Variants in CSMD3 observed in about 807,000 individuals in gnomAD.
CSMD3 encodes CUB and sushi domain-containing protein 3.
Under a neutral mutation model 435.2 loss-of-function variants are expected in CSMD3, and 177 were observed. That is an observed-to-expected ratio of 0.41 (90% confidence interval 0.36 to 0.46). The LOEUF is 0.46. CSMD3 is among the 20% of genes least tolerant of loss of function. CSMD3 has a pLI of 0.34. For missense variants in CSMD3, 4,265 were observed against 4,504.6 expected (o/e 0.95, Z 1.52); for synonymous variants, 1,656 against 1,520.5 (o/e 1.09, Z -2.07).
intron 1 of CSMD3, among the ~76,000 whole-genome samples, chr8:113,315,018 A>T (rs2093898763): frequency 6.6e-6 from 1 of 152,196 alleles, no homozygotes; most frequent in African/African-American, 2.4e-5. Context: ...GTAAATAATT[A>T]TAAAGCAGTT....
chr8:112,713,012 A>G (rs1483656291), intron 13 of CSMD3, among the ~76,000 whole-genome samples: 1 of 152,136 alleles, frequency 6.6e-6, no homozygotes, highest in African/African-American at 2.4e-5. Context: ...GAACCAAAAC[A>G]GTATGCAAAT....
chr8:112,454,998 C>T lies in CSMD3; in HGVS notation c.5395+17593G>A, dbSNP rs555268694. On this transcript the variant is annotated intron_variant, in intron 32 of 70. Coordinates refer to ENST00000297405, the MANE Select transcript of CSMD3 (RefSeq NM_198123.2). ...TGGTCAGTATTCACAACACTGCACT[C>T]GAGCCTGAGTGACAGAGTGAGACCC... Among the ~76,000 whole-genome samples, 18 of 151,720 alleles carry T rather than the reference C, an allele frequency of 1.2e-4. No individual in the cohort carries two copies. In the East Asian group the frequency reaches 3.5e-3, roughly 30 times the overall value.
chr8:112,422,205 G>C (rs1812592581), intron 32 of CSMD3, among the ~76,000 whole-genome samples: 1 of 151,812 alleles, frequency 6.6e-6, no homozygotes, highest in Non-Finnish European at 1.5e-5. Flanking sequence ...ATTATTTTAA[G>C]GATATTTTGC....
At position 113,130,726 on chromosome 8, in the gene CSMD3, C is replaced by G. The variant is rs112581862; in HGVS notation, c.710-31763G>C. 1.1e-3 allele frequency among the ~76,000 whole-genome samples: 174 copies of G among 152,112 alleles called. 6 individuals are homozygous for G. The highest frequency in any genetic ancestry group is 1.9e-3 in the South Asian group (9 of 4,820). ...ACTGGGTAATGAACAGACATTAGAA[C>G]AGTTTGGAGGGCTCAGAAGAAGACA... is the stretch of plus-strand genomic sequence containing the variant. On this transcript the variant is annotated intron_variant, in intron 4 of 70. Coordinates refer to ENST00000297405, the MANE Select transcript of CSMD3 (RefSeq NM_198123.2).
intron 33 of CSMD3, 77 bp from the exon 34 acceptor site, chr8:112,408,490 A>G (rs1367639230): frequency 3.3e-6 from 3 of 904,250 alleles, no homozygotes; most frequent in African/African-American, 1.6e-5. Context: ...TTATAATCTT[A>G]CACTGTCATT....
rs142576228 is a variant in CSMD3 at position 113,288,528 on chromosome 8, T to C, written c.402-9824A>G. Among the ~76,000 whole-genome samples the C allele has an allele frequency of 5.5e-3, 830 of 151,980 alleles. 2 individuals are homozygous for C. The highest frequency in any genetic ancestry group is 8.3e-3 in the Non-Finnish European group (564 of 67,792). Reference sequence around the variant, plus strand: ...AATGTCCCCCTTCTTATTTTTTCCATTGAATAACTGACGTTTAAGGTTATA... The same window carrying C: ...AATGTCCCCCTTCTTATTTTTTCCACTGAATAACTGACGTTTAAGGTTATA... On this transcript the variant is annotated intron_variant, in intron 2 of 70. Coordinates refer to ENST00000297405, the MANE Select transcript of CSMD3 (RefSeq NM_198123.2).
At chr8:113,311,061 A>T (rs2093864592) in intron 2 of CSMD3, 1 of 152,018 alleles carries the variant, frequency 6.6e-6, no homozygotes. Flanking sequence ...TCCTGGGTAA[A>T]TATATCTGTC....
chr8:112,274,147 T>C (rs957138848), intron 59 of CSMD3, among the ~76,000 whole-genome samples: 13 of 151,844 alleles, frequency 8.6e-5, no homozygotes, highest in Non-Finnish European at 1.8e-4. Context: ...GGAATTCAGC[T>C]TTCCTTCAAC....
chr8:112,227,633 T>C lies in CSMD3; in HGVS notation c.10964+1123A>G, dbSNP rs572182029. On this transcript the variant is annotated intron_variant, in intron 70 of 70. Transcript: ENST00000297405. ...CTATAAATAAATTTAGTGATGATTATTCTTTATCTATTAATAAAATCTGAT... is the reference window on the plus strand; with the variant it reads ...CTATAAATAAATTTAGTGATGATTACTCTTTATCTATTAATAAAATCTGAT... 1.1e-4 allele frequency among the ~76,000 whole-genome samples: 17 copies of C among 152,328 alleles called. No individual in the cohort carries two copies. In the South Asian group the frequency reaches 2.7e-3, roughly 24 times the overall value.
intron 3 of CSMD3, among the ~76,000 whole-genome samples, chr8:113,175,138 CA>C (rs1243029251): frequency 1.3e-5 from 2 of 151,540 alleles, no homozygotes; most frequent in Non-Finnish European, 3.0e-5. Context: ...CAATATTAAG[CA>C]AAAATATTAA....
At chr8:113,275,097 T>G (rs914731984) in intron 3 of CSMD3, among the ~76,000 whole-genome samples, 2 of 152,126 alleles carry the variant, frequency 1.3e-5, no homozygotes, top group Non-Finnish European at 2.9e-5. Context: ...CTATCAATAT[T>G]GTAATTCATA....
chr8:113,383,714 A>G (rs1228703643), intron 1 of CSMD3, among the ~76,000 whole-genome samples: 1 of 152,188 alleles, frequency 6.6e-6, no homozygotes, highest in Non-Finnish European at 1.5e-5. Flanking sequence ...ATTATTTATT[A>G]CAGTTCAGCA....
intron 27 of CSMD3, among the ~76,000 whole-genome samples, chr8:112,548,610 T>C (rs1827400889): frequency 6.6e-6 from 1 of 152,134 alleles, no homozygotes; most frequent in South Asian, 2.1e-4. Context: ...CTTATATGGC[T>C]TTTGTGAGAA....
Position 112,975,785 on chromosome 8 carries a change from A to G in CSMD3, c.1342+52T>C, listed in dbSNP as rs373912795. On this transcript the variant is annotated intron_variant, in intron 7 of 70. Transcript: ENST00000297405. ...ATTCTCTAATTAGAATCATTACCAA[A>G]ATATAGCTTTGGCTGTAACTAAATG... 8.1e-6 allele frequency: 13 copies of G among 1,610,830 alleles called. No homozygotes were observed. The African/African-American group carries it at 1.3e-4, about 17-fold the overall frequency.
intron 5 of CSMD3, among the ~76,000 whole-genome samples, chr8:113,033,919 G>A (rs191752408): frequency 2.0e-5 from 3 of 151,472 alleles, no homozygotes; most frequent in Non-Finnish European, 3.0e-5. Flanking sequence ...TAGTGGGGGA[G>A]TTCTCAGGAG....
intron 4 of CSMD3, among the ~76,000 whole-genome samples, chr8:113,169,946 G>A (rs1227892410): frequency 2.0e-5 from 3 of 152,128 alleles, no homozygotes; most frequent in Non-Finnish European, 2.9e-5. Flanking sequence ...ACCAGATGGT[G>A]TTGATAAAAT....
rs200017659 is a variant in CSMD3, at chr8:112,550,736, A to G, written c.4499T>C (p.Ile1500Thr). 2.0e-5 allele frequency: 32 copies of G among 1,605,706 alleles called. 1 individual carries two copies. The Middle Eastern group carries it at 2.5e-3, about 124-fold the overall frequency. ...IPEGIHSTLN[I>T]VTIQFDTDFY... ...ATCCGTGTCAAACTGGATGGTTACT[A>G]TATTGAGGGTGCTATGAATTCCTTC... The change falls in exon 27 of 71, where the codon ATA (isoleucine) becomes ACA (threonine). Residue 1500 changes from isoleucine to threonine, a missense_variant. Coordinates refer to ENST00000297405, the MANE Select transcript of CSMD3 (RefSeq NM_198123.2).
chr8:112,286,837 T>G lies in CSMD3; in HGVS notation c.9331+227A>C, dbSNP rs541956065. On this transcript the variant is annotated intron_variant, in intron 58 of 70. Coordinates refer to ENST00000297405, the MANE Select transcript of CSMD3 (RefSeq NM_198123.2). ...TTTTAAATCTAAACATTTGCTATGT[T>G]GTGAACAATGTTTGCATATATATGA... Among the ~76,000 whole-genome samples the G allele has an allele frequency of 1.4e-4, 21 of 152,248 alleles. No individual in the cohort carries two copies. In the Middle Eastern group the frequency reaches 0.01, roughly 74 times the overall value.
Position 112,228,852 on chromosome 8 carries a change from G to A in CSMD3, c.10868C>T (p.Pro3623Leu), listed in dbSNP as rs1470468550. 3.8e-6 allele frequency: 6 copies of A among 1,590,032 alleles called. No individual in the cohort carries two copies. In the African/African-American group the frequency reaches 6.7e-5, roughly 18 times the overall value. Residue 3623 changes from proline (P) to leucine (L), a missense_variant, in exon 70 of 71, where the codon CCT (proline) becomes CTT (leucine). By Grantham distance (98) the Pro-to-Leu change is moderately conservative. This residue lies in a region of CSMD3 where 3,255 missense variants were observed against 3,380.2 expected (regional missense o/e 0.96). Coordinates refer to ENST00000297405, the MANE Select transcript of CSMD3 (RefSeq NM_198123.2). The part of the protein sequence containing the change: ...MSEGSNSSNQ[P>L]HGTNSSSVAI... ...TACAGAACTACTATTTGTACCATGA[G>A]GTTGATTTGAAGAATTTGAACCTTC...
Sources: gnomAD v4.1 joint callset for allele counts (sites outside exome capture counted in the v4.1 genomes callset) on GRCh38, gnomAD v4.1.1 for gene constraint, gnomAD v4.1.1 regional missense constraint, MANE v1.5 for transcripts, NCBI Gene and HGNC (gene_info 2026-07-23, HGNC 2026-07-21) for gene names.